Variants in HEXD observed in about 807,000 individuals in gnomAD.
The protein encoded by HEXD is N-acetyl-beta-galactosaminidase.
HEXD carries 47 observed loss-of-function variants against 54.2 expected under a neutral mutation model. The ratio of observed to expected loss-of-function variants is 0.87; its 90% confidence interval spans 0.69 to 1.11. The LOEUF (loss-of-function observed/expected upper bound fraction) is 1.11. Among genes scored for constraint, HEXD ranks in the 50% least tolerant of loss-of-function variants. The probability of loss-of-function intolerance (pLI) is 0.00; values close to 1 mark genes in which losing one functional copy is unlikely to be tolerated. For missense variants in HEXD, 576 were observed against 649.2 expected, an observed-to-expected ratio of 0.89 and a Z score of 1.23; for synonymous variants, 293 against 287.6, an observed-to-expected ratio of 1.02 and a Z score of -0.19.
At chr17:82,420,088 A>C (rs1434655449) in intron 2 of HEXD, 3 of 385,830 alleles carry the variant, frequency 7.8e-6, no homozygotes, top group Non-Finnish European at 1.4e-5. Flanking sequence ...AAAGGGAAAA[A>C]AAAAAAAGAC....
chr17:82,418,366 C>A lies in HEXD; in HGVS notation c.-426C>A. 12 of 1,347,612 alleles carry A rather than the reference C, an allele frequency of 8.9e-6. No homozygotes were observed. The highest frequency in any genetic ancestry group is 1.2e-5 in the Non-Finnish European group (12 of 1,006,228). The allele number at this position is 1,347,612 out of a possible 1,614,324, so 83.5% of individuals were successfully genotyped here. ...AGCCCCAGTCCCGCCCACTCCATGG[C>A]CCTGTCCGCCGCCGCAGCGCGCGCC... On this transcript the variant is annotated 5_prime_UTR_variant, in exon 1 of 13. Coordinates refer to ENST00000327949, the MANE Select transcript of HEXD (RefSeq NM_001330542.2).
At chr17:82,422,324 G>A (rs2053259322) in intron 2 of HEXD, among the ~76,000 whole-genome samples, 1 of 151,940 alleles carries the variant, frequency 6.6e-6, no homozygotes, top group Admixed American at 6.6e-5. Flanking sequence ...TGAAAGAACA[G>A]CATAAATCAG....
In HEXD at chr17:82,436,657, C is replaced by T; in HGVS notation, c.632-10C>T. 4 of 1,607,090 alleles carry T rather than the reference C, an allele frequency of 2.5e-6. No homozygotes were observed. Among genetic ancestry groups the T allele is most frequent in the Non-Finnish European group, 3.4e-6 (4 of 1,178,260 alleles). The stretch of plus-strand genomic sequence containing the variant: ...GTGTCTCACCAACCTCACGTCCGCT[C>T]TGTCTGCAGCGTCCGGGGTGCCGCA... On this transcript the variant is annotated splice_polypyrimidine_tract_variant and intron_variant, in intron 6 of 12. Coordinates refer to ENST00000327949, the MANE Select transcript of HEXD (RefSeq NM_001330542.2).
At chr17:82,439,951 C>A (rs116022885) in intron 9 of HEXD, 1 of 1,501,588 alleles carries the variant, frequency 6.7e-7, no homozygotes. Flanking sequence ...ACGCGGGAGG[C>A]ACCCCTCAGA....
In HEXD at chr17:82,435,396, G is replaced by C. The variant is rs536094265; in HGVS notation, c.448-293G>C. 2.0e-5 allele frequency among the ~76,000 whole-genome samples: 3 copies of C among 152,214 alleles called. No individual in the cohort carries two copies. In the South Asian group the frequency reaches 6.2e-4, roughly 32 times the overall value. On this transcript the variant is annotated intron_variant, in intron 5 of 12. Transcript: ENST00000327949. ...GCTGAAGCCGAGCCGTGTTCATGGTGGGGGATGCTGCCCTATGCTGGTCCA... is the reference window on the plus strand; with the variant it reads ...GCTGAAGCCGAGCCGTGTTCATGGTCGGGGATGCTGCCCTATGCTGGTCCA...
intron 6 of HEXD, 45 bp from the exon 7 acceptor site, chr17:82,436,622 T>C (rs745397525): frequency 6.5e-7 from 1 of 1,532,034 alleles, no homozygotes; most frequent in Admixed American, 1.8e-5. Context: ...GGGCTGAGAG[T>C]GTGGTCCAGG....
Position 82,435,887 on chromosome 17 carries a change from C to A in HEXD, c.631+15C>A. 1 of 1,596,942 alleles carries A rather than the reference C, an allele frequency of 6.3e-7. No homozygotes were observed. The highest frequency in any genetic ancestry group is 8.5e-7 in the Non-Finnish European group (1 of 1,173,350). On this transcript the variant is annotated intron_variant, in intron 6 of 12. Transcript: ENST00000327949. ...CCAGCTCGCAGGTCGGCCAACAGGG[C>A]TGGGGGAGGGGGTGGGCCACTGAAC...
At position 82,428,612 on chromosome 17, in the gene HEXD, G is replaced by T; in HGVS notation, c.249G>T (p.Val83=). 6.2e-7 allele frequency: 1 copy of T among 1,613,446 alleles called. No individual in the cohort carries two copies. The highest frequency in any genetic ancestry group is 1.1e-5 in the South Asian group (1 of 91,068). Residue 83 remains valine (V), a synonymous_variant, in exon 4 of 13, where the codon GTG becomes GTT. Transcript: ENST00000327949. ...TGGCTGGACTCAATGAGCTGGAGGT[G>T]ATTCCCTTGGTGCAGACATTTGGAC... ...LHLAGLNELE[V]IPLVQTFGHM...
At chr17:82,422,440 T>C (rs1024531024) in intron 2 of HEXD, among the ~76,000 whole-genome samples, 7 of 150,642 alleles carry the variant, frequency 4.6e-5, no homozygotes, top group Admixed American at 2.0e-4. Flanking sequence ...GAGGTTGCAG[T>C]GAGCCAAGAT....
chr17:82,435,642 G>A lies in HEXD; in HGVS notation c.448-47G>A, dbSNP rs371887229. 7.2e-5 allele frequency: 113 copies of A among 1,568,140 alleles called. No homozygotes were observed. In the African/African-American group the frequency reaches 8.3e-4, roughly 12 times the overall value. ...GGCGTGAACCCCGGACCCTCCCACC[G>A]GTGTGCACGGCTGCCAAGGCAACCC... On this transcript the variant is annotated intron_variant, in intron 5 of 12. Coordinates refer to ENST00000327949, the MANE Select transcript of HEXD (RefSeq NM_001330542.2).
At chr17:82,439,864 C>G (rs2053879523) in intron 9 of HEXD, 151 bp downstream of exon 9, 3 of 1,540,836 alleles carry the variant, frequency 1.9e-6, no homozygotes, top group African/African-American at 1.4e-5. Context: ...GCTCAGCCAC[C>G]CACCTGCCCT....
In HEXD at chr17:82,441,998, A is replaced by G. The variant is rs924177598; in HGVS notation, c.1253+109A>G. The G allele has an allele frequency of 2.6e-5, 35 of 1,333,994 alleles. No homozygotes were observed. In the East Asian group the frequency reaches 7.9e-4, roughly 30 times the overall value. The allele number at this position is 1,333,994 out of a possible 1,614,324, so 82.6% of individuals were successfully genotyped here. On this transcript the variant is annotated intron_variant, in intron 12 of 12. Transcript: ENST00000327949. ...AGCAGAGGGTGAGCCCCTAGTTGTA[A>G]AAGGCCCTCTGGTCTCAGATGTGCA...
In HEXD at chr17:82,419,846, T is replaced by C. The variant is rs2053178906; in HGVS notation, c.47T>C (p.Leu16Pro). The change falls in exon 2 of 13, where the codon CTT becomes CCT. Residue 16 changes from leucine to proline, a missense_variant. Leu to Pro is a moderately conservative substitution (Grantham distance 98). Transcript: ENST00000327949. ...CAGATGAGATTAGTTCATTTAGACC[T>C]TAAAGGAGCTCCACCAAAGGTCTCG... ...PFQMRLVHLD[L>P]KGAPPKVSYL... 3.7e-6 allele frequency: 6 copies of C among 1,612,110 alleles called. No homozygotes were observed. Among genetic ancestry groups the C allele is most frequent in the African/African-American group, 1.3e-5 (1 of 74,874 alleles).
Position 82,419,880 on chromosome 17 carries a change from A to G in HEXD, c.81A>G (p.Ser27=). The G allele has an allele frequency of 6.3e-7, 1 of 1,598,254 alleles. No homozygotes were observed. The highest frequency in any genetic ancestry group is 1.1e-5 in the South Asian group (1 of 90,694). Residue 27 remains serine, a synonymous_variant, in exon 2 of 13, where the codon TCA becomes TCG. Transcript: ENST00000327949. Reference sequence around the variant, plus strand: ...CTCCACCAAAGGTCTCGTACCTCTCAGAGGTAAGGACTCCCTTTTACCTCT... The same window carrying G: ...CTCCACCAAAGGTCTCGTACCTCTCGGAGGTAAGGACTCCCTTTTACCTCT... ...KGAPPKVSYL[S]EIFPLFRALG...
intron 8 of HEXD, chr17:82,439,320 G>A (rs1445822585): frequency 1.9e-6 from 1 of 515,310 alleles, no homozygotes; most frequent in East Asian, 1.5e-4. Flanking sequence ...CAGAGGTGCT[G>A]GGGGGAGGGA....
In HEXD at chr17:82,418,496, CG is replaced by C; in HGVS notation, c.-295del. The C allele has an allele frequency of 7.2e-7, 1 of 1,381,172 alleles. No homozygotes were observed. The highest frequency in any genetic ancestry group is 1.5e-5 in the South Asian group (1 of 64,596). The allele number at this position is 1,381,172 out of a possible 1,614,324, so 85.6% of individuals were successfully genotyped here. A position where few individuals can be genotyped will look rare whatever the true frequency, so the allele number is the denominator to read the frequency against. On this transcript the variant is annotated 5_prime_UTR_variant, in exon 1 of 13. The change creates a premature stop within an existing upstream ORF in the 5' untranslated region. Transcript: ENST00000327949. ...CCGCTGAGGAGCCATCGGACCAGGC[CG>C]CCGCGGAGCCGGGCCGGACGCGGGC...
Position 82,433,120 on chromosome 17 carries a change from ATATATATATTTTTTTTTTTTT to A in HEXD, c.283-536_283-516del, listed in dbSNP as rs1321493574. ...TATATATATATATATATATATATATATATATATATTTTTTTTTTTTTTTTATATATATATTTTTAGTCTGGG... is the reference window on the plus strand; with the variant it reads ...TATATATATATATATATATATATATATTTATATATATATTTTTAGTCTGGG... On this transcript the variant is annotated intron_variant, in intron 4 of 12. Transcript: ENST00000327949. Among the ~76,000 whole-genome samples, 104 of 18,196 alleles carry A rather than the reference ATATATATATTTTTTTTTTTTT, an allele frequency of 5.7e-3. 11 individuals carry two copies. The highest frequency in any genetic ancestry group is 0.051 in the African/African-American group (98 of 1,922). 11.9% of individuals were successfully genotyped at this position (18,196 alleles called of 152,430 possible).
chr17:82,432,404 G>A (rs112714395), intron 4 of HEXD, among the ~76,000 whole-genome samples: 2,581 of 152,112 alleles, frequency 0.017, 29 homozygotes, highest in Admixed American at 0.038. Flanking sequence ...TACTGACAGC[G>A]CCCCCACAAG....
chr17:82,437,797 A>G (rs2053815018), intron 8 of HEXD, among the ~76,000 whole-genome samples: 1 of 152,208 alleles, frequency 6.6e-6, no homozygotes, highest in Admixed American at 6.5e-5. Context: ...AGGGTCACTG[A>G]AAGGTGCCCA....
Sources: gnomAD v4.1 joint callset for allele counts (sites outside exome capture counted in the v4.1 genomes callset) on GRCh38, gnomAD v4.1.1 for gene constraint, MANE v1.5 for transcripts, NCBI Gene and HGNC (gene_info 2026-07-23, HGNC 2026-07-21) for gene names.